Variants in LNX1 observed in about 807,000 individuals in gnomAD.
LNX1 encodes E3 ubiquitin-protein ligase LNX.
A neutral mutation model predicts 68.4 loss-of-function variants in LNX1; 54 were observed. That is an observed-to-expected ratio of 0.79 (90% CI 0.63 to 0.99). The LOEUF (loss-of-function observed/expected upper bound fraction) is 0.99, where lower values mean the gene tolerates loss of function less well. LNX1 is among the 50% of genes least tolerant of loss of function. The pLI is 0.00. For synonymous variants in LNX1, 336 were observed against 350.0 expected, an observed-to-expected ratio of 0.96 and a Z score of 0.45; for missense variants, 906 against 926.4, an observed-to-expected ratio of 0.98 and a Z score of 0.29.
At chr4:53,576,140 A>G in intron 1 of LNX1, 7 of 1,562,796 alleles carry the variant, frequency 4.5e-6, no homozygotes, top group Non-Finnish European at 6.1e-6. Flanking sequence ...TCTGTGGCCC[A>G]GCAGCAGGGG....
intron 1 of LNX1, among the ~76,000 whole-genome samples, chr4:53,646,110 C>G (rs1734875312): frequency 6.6e-6 from 1 of 152,206 alleles, no homozygotes. Context: ...CATGAAGGCT[C>G]TTATGACATC....
chr4:53,467,497 C>T (rs1722776036), intron 9 of LNX1, among the ~76,000 whole-genome samples: 1 of 152,160 alleles, frequency 6.6e-6, no homozygotes, highest in Admixed American at 6.5e-5. Context: ...CAGAGAATGA[C>T]TTCAACAAGT....
rs373435602 is a variant in LNX1 at position 53,508,205 on chromosome 4, C to T, written c.403G>A (p.Gly135Ser). ...QTSCKGASHYGLTKDRKRRSQ... is the reference protein window; with the variant it reads ...QTSCKGASHYSLTKDRKRRSQ... Reference sequence around the variant, plus strand: ...CGCCTCTTCCTATCTTTGGTCAGGCCGTAGTGGGAGGCACCTTTACAGCTG... The same window carrying T: ...CGCCTCTTCCTATCTTTGGTCAGGCTGTAGTGGGAGGCACCTTTACAGCTG... Residue 135 changes from glycine (G) to serine (S), a missense_variant, in exon 3 of 11, where the codon GGC becomes AGC. Gly to Ser is a moderately conservative substitution (Grantham distance 56). Transcript: ENST00000263925. 11 of 1,613,898 alleles carry T rather than the reference C, an allele frequency of 6.8e-6. No individual in the cohort carries two copies. The highest frequency in any genetic ancestry group is 3.3e-4 in the Middle Eastern group (2 of 6,060).
intron 1 of LNX1, among the ~76,000 whole-genome samples, chr4:53,648,838 T>C (rs1734986103): frequency 6.6e-6 from 1 of 152,160 alleles, no homozygotes; most frequent in Non-Finnish European, 1.5e-5. Flanking sequence ...ATTGCTTTAG[T>C]GATAATTGAA....
chr4:53,489,026 G>T (rs1289770423), intron 6 of LNX1, among the ~76,000 whole-genome samples: 2 of 152,154 alleles, frequency 1.3e-5, no homozygotes, highest in East Asian at 1.9e-4. Context: ...ACTATAAGTT[G>T]ATATTCCCTA....
chr4:53,492,823 C>T (rs1423221366), intron 6 of LNX1, among the ~76,000 whole-genome samples: 2 of 151,934 alleles, frequency 1.3e-5, no homozygotes, highest in Non-Finnish European at 2.9e-5. Context: ...GCCAAGGGTT[C>T]AGTTTTGGAC....
At position 53,645,905 on chromosome 4, in the gene LNX1, A is replaced by G. The variant is rs186906550; in HGVS notation, c.-215+6263T>C. ...TGATTACTATTTCATACTGATTACT[A>G]TTTCACTCAGAGTTTTCTTATAAAG... is the stretch of plus-strand genomic sequence containing the variant. On this transcript the variant is annotated intron_variant, in intron 1 of 2. Transcript: ENST00000507168. Among the ~76,000 whole-genome samples the G allele has an allele frequency of 5.3e-5, 8 of 152,302 alleles. No homozygotes were observed. The East Asian group carries it at 9.6e-4, about 18-fold the overall frequency.
At chr4:53,571,566 C>G (rs1359790293) in intron 2 of LNX1, among the ~76,000 whole-genome samples, 1 of 152,144 alleles carries the variant, frequency 6.6e-6, no homozygotes, top group Admixed American at 6.5e-5. Context: ...AGGGATTCTC[C>G]CCTGAAGCCA....
chr4:53,552,357 G>A (rs965745016), intron 2 of LNX1, among the ~76,000 whole-genome samples: 5 of 152,152 alleles, frequency 3.3e-5, no homozygotes, highest in African/African-American at 9.7e-5. Flanking sequence ...TGGCACAAAC[G>A]TGAGAATAAT....
intron 6 of LNX1, among the ~76,000 whole-genome samples, chr4:53,491,094 T>C (rs1484252992): frequency 6.6e-6 from 1 of 152,248 alleles, no homozygotes; most frequent in Non-Finnish European, 1.5e-5. Context: ...ATGCCATATG[T>C]AGTCAAGATT....
intron 1 of LNX1, among the ~76,000 whole-genome samples, chr4:53,578,780 A>G (rs1479648233): frequency 6.6e-6 from 1 of 152,202 alleles, no homozygotes; most frequent in Non-Finnish European, 1.5e-5. Flanking sequence ...AATTCTTAAT[A>G]TTATGTTAAT....
intron 6 of LNX1, among the ~76,000 whole-genome samples, chr4:53,484,610 CAA>C (rs546827308): frequency 1.2e-4 from 19 of 152,108 alleles, no homozygotes; most frequent in African/African-American, 4.6e-4. Context: ...ACCAATGAAA[CAA>C]TATCCCTATG....
chr4:53,529,880 G>A (rs752081527), intron 2 of LNX1, among the ~76,000 whole-genome samples: 2 of 152,154 alleles, frequency 1.3e-5, no homozygotes, highest in Non-Finnish European at 2.9e-5. Flanking sequence ...TTCTCAAAAA[G>A]CTTCTCTATT....
chr4:53,643,067 A>T (rs941634314), intron 1 of LNX1, among the ~76,000 whole-genome samples: 3 of 152,178 alleles, frequency 2.0e-5, no homozygotes, highest in Non-Finnish European at 2.9e-5. Context: ...GTTGCTGAAC[A>T]TTCTACAATG....
Position 53,492,974 on chromosome 4 carries a change from CTTTG to C in LNX1, c.1350+3045_1350+3048del, listed in dbSNP as rs1316895926. On this transcript the variant is annotated intron_variant, in intron 6 of 10. Coordinates refer to ENST00000263925, the MANE Select transcript of LNX1 (RefSeq NM_001126328.3). ...CATACACCTCAGAAGGAAAATGTCT[CTTTG>C]TTTATTTTTTGAGACAGAGTCTTGC... Among the ~76,000 whole-genome samples the C allele has an allele frequency of 2.6e-5, 4 of 152,080 alleles. No homozygotes were observed. In the East Asian group the frequency reaches 7.7e-4, roughly 29 times the overall value.
At chr4:53,465,687 A>G (rs556153667) in intron 9 of LNX1, among the ~76,000 whole-genome samples, 6 of 152,350 alleles carry the variant, frequency 3.9e-5, no homozygotes, top group African/African-American at 1.4e-4. Flanking sequence ...ATTCTGATAC[A>G]TGTTTAAATT....
chr4:53,625,843 C>G (rs2616420), intron 1 of LNX1, among the ~76,000 whole-genome samples: 2,041 of 46,014 alleles, frequency 0.044, 24 homozygotes, highest in South Asian at 0.095. Flanking sequence ...CAATTCCACC[C>G]CGTGTGTGTG....
At chr4:53,588,662 A>G (rs1168567468) in intron 1 of LNX1, among the ~76,000 whole-genome samples, 1 of 152,200 alleles carries the variant, frequency 6.6e-6, no homozygotes, top group Non-Finnish European at 1.5e-5. Context: ...GGGCCTGTGA[A>G]GTACACCATT....
rs552585731 is a variant in LNX1, at chr4:53,570,571, G to A, written c.380+3052C>T. Reference sequence around the variant, plus strand: ...GGCGATATACCTAATGCTAAATGACGAGTTAGTGGGTGCAGCACACCAGCA... The same window carrying A: ...GGCGATATACCTAATGCTAAATGACAAGTTAGTGGGTGCAGCACACCAGCA... On this transcript the variant is annotated intron_variant, in intron 2 of 10. Coordinates refer to ENST00000263925, the MANE Select transcript of LNX1 (RefSeq NM_001126328.3). Among the ~76,000 whole-genome samples the A allele has an allele frequency of 2.0e-3, 303 of 150,590 alleles. 1 individual carries two copies. The highest frequency in any genetic ancestry group is 7.2e-3 in the African/African-American group (293 of 40,974).
Sources: gnomAD v4.1 joint callset for allele counts (sites outside exome capture counted in the v4.1 genomes callset) on GRCh38, gnomAD v4.1.1 for gene constraint, MANE v1.5 for transcripts, NCBI Gene and HGNC (gene_info 2026-07-23, HGNC 2026-07-21) for gene names.